ANKRD30B: variants seen among roughly 807,000 people sequenced by gnomAD.
The protein encoded by ANKRD30B is ankyrin repeat domain-containing protein 30B.
In ANKRD30B, 144 loss-of-function variants were observed where a neutral mutation model predicts 202.2. That is an observed-to-expected ratio of 0.71 (90% CI 0.62 to 0.82). The LOEUF (loss-of-function observed/expected upper bound fraction) is 0.82, where lower values mean the gene tolerates loss of function less well. Ranked by LOEUF, ANKRD30B falls within the 40% of genes least tolerant of loss-of-function variation. The pLI is 0.00. For synonymous variants in ANKRD30B, 508 were observed against 561.3 expected (o/e 0.91, Z 1.34); for missense variants, 1,487 against 1,669.1 (o/e 0.89, Z 1.90).
At chr18:14,799,426 A>G (rs1275994462) in intron 22 of ANKRD30B, 131 bp downstream of exon 22, 3 of 958,730 alleles carry the variant, frequency 3.1e-6, no homozygotes, top group Admixed American at 3.1e-5. Flanking sequence ...AATAATGGCA[A>G]CATTAGTATT....
downstream of ANKRD30B, among the ~76,000 whole-genome samples, chr18:14,859,208 T>G (rs2143313852): frequency 1.8e-5 from 1 of 55,376 alleles, no homozygotes; most frequent in Non-Finnish European, 3.4e-5. Context: ...ACCTCCCAGA[T>G]GATGGGCAGC....
At chr18:14,940,145 A>G in the ANKRD30B span, among the ~76,000 whole-genome samples, 2 of 152,192 alleles carry the variant, frequency 1.3e-5, no homozygotes, top group African/African-American at 2.4e-5. Flanking sequence ...GGTGAGGTCC[A>G]TGGATCTAAT....
chr18:14,822,816 T>C (rs1970490399), intron 32 of ANKRD30B, 139 bp downstream of exon 32: 1 of 1,177,410 alleles, frequency 8.5e-7, no homozygotes, highest in Non-Finnish European at 1.2e-6. Flanking sequence ...CCAATGTTAG[T>C]ATTCATGTTT....
chr18:14,894,449 ATT>A, the ANKRD30B span, among the ~76,000 whole-genome samples: 3 of 152,012 alleles, frequency 2.0e-5, no homozygotes, highest in Non-Finnish European at 4.4e-5. Context: ...CATCATTAAT[ATT>A]TCTTTTTCCT....
intron 37 of ANKRD30B, among the ~76,000 whole-genome samples, chr18:14,841,019 T>C (rs1971398600): frequency 1.3e-5 from 2 of 152,192 alleles, no homozygotes; most frequent in African/African-American, 4.8e-5. Flanking sequence ...AAGAACTCTT[T>C]AGAGAAAGAT....
At chr18:14,902,971 C>G in the ANKRD30B span, among the ~76,000 whole-genome samples, 1 of 152,172 alleles carries the variant, frequency 6.6e-6, no homozygotes, top group African/African-American at 2.4e-5. Context: ...TTACTACCAA[C>G]TTGGTGATTT....
At chr18:14,923,108 T>C in the ANKRD30B span, among the ~76,000 whole-genome samples, 1 of 152,146 alleles carries the variant, frequency 6.6e-6, no homozygotes, top group Non-Finnish European at 1.5e-5. Flanking sequence ...CCAGCAGCAA[T>C]ACCCAGGTAG....
At chr18:14,817,938 T>G (rs958596450) in intron 30 of ANKRD30B, among the ~76,000 whole-genome samples, 74 of 152,284 alleles carry the variant, frequency 4.9e-4, no homozygotes, top group Non-Finnish European at 7.4e-4. Context: ...CATAAATTTT[T>G]TGTGTTTTAG....
At position 14,808,161 on chromosome 18, in the gene ANKRD30B, T is replaced by C. The variant is rs1421061588; in HGVS notation, c.2285-390T>C. Among the ~76,000 whole-genome samples, 18 of 150,778 alleles carry C rather than the reference T, an allele frequency of 1.2e-4. No individual in the cohort carries two copies. The East Asian group carries it at 3.1e-3, about 26-fold the overall frequency. On this transcript the variant is annotated intron_variant, in intron 24 of 43. Coordinates refer to ENST00000690538, the MANE Select transcript of ANKRD30B (RefSeq NM_001367607.2). ...GATGTGTTTCCTTAACAATATGTCA[T>C]AGCATTCTACCATTACCTAGGACTT...
the ANKRD30B span, among the ~76,000 whole-genome samples, chr18:14,879,790 AGGGTCAGGGTCAG>A: frequency 6.7e-5 from 10 of 148,658 alleles, no homozygotes; most frequent in Admixed American, 2.7e-4. Flanking sequence ...TCAGGGGTTA[AGGGTCAGGGTCAG>A]GGGTCAGGGT....
rs1042053981 is a variant in ANKRD30B, at chr18:14,748,236, T to A, written c.-184T>A. 4.0e-6 allele frequency: 2 copies of A among 503,768 alleles called. No individual in the cohort carries two copies. The highest frequency in any genetic ancestry group is 7.0e-5 in the South Asian group (2 of 28,582). The allele number at this position is 503,768 out of a possible 1,614,324, so 31.2% of individuals were successfully genotyped here. ...GAATTTCTCCCGACAGAGGCCGGAG[T>A]GTTCAAGAGCTTGGCGATACAGAAA... is the stretch of plus-strand genomic sequence containing the variant. On this transcript the variant is annotated 5_prime_UTR_variant, in exon 1 of 44. Coordinates refer to ENST00000690538, the MANE Select transcript of ANKRD30B (RefSeq NM_001367607.2).
chr18:14,763,888 G>A lies in ANKRD30B; in HGVS notation c.1023G>A (p.Arg341=), dbSNP rs748664032. The change falls in exon 7 of 44, where the codon AGG becomes AGA. Residue 341 remains arginine (R), a synonymous_variant. Transcript: ENST00000690538. ...STEETPRKIL[R]PTKETSEKFS... Reference sequence around the variant, plus strand: ...AAGAAACACCTAGGAAAATTTTGAGGCCTACAAAAGAAACATCTGAGAAAT... The same window carrying A: ...AAGAAACACCTAGGAAAATTTTGAGACCTACAAAAGAAACATCTGAGAAAT... 4 of 1,612,114 alleles carry A rather than the reference G, an allele frequency of 2.5e-6. No individual in the cohort carries two copies. The highest frequency in any genetic ancestry group is 3.4e-6 in the Non-Finnish European group (4 of 1,179,020).
At chr18:14,867,458 TCTG>T in the ANKRD30B span, among the ~76,000 whole-genome samples, 1 of 152,110 alleles carries the variant, frequency 6.6e-6, no homozygotes, top group South Asian at 2.1e-4. Context: ...GTGAACAACT[TCTG>T]CTCGTGTTGG....
intron 15 of ANKRD30B, among the ~76,000 whole-genome samples, chr18:14,788,082 A>C (rs1301308877): frequency 6.6e-6 from 1 of 152,092 alleles, no homozygotes; most frequent in Non-Finnish European, 1.5e-5. Context: ...TATATGACAG[A>C]CTCTAAAAGT....
the ANKRD30B span, among the ~76,000 whole-genome samples, chr18:14,890,377 T>C: frequency 1.6e-4 from 25 of 151,686 alleles, no homozygotes; most frequent in Non-Finnish European, 5.9e-5. Flanking sequence ...TAGAATTAAA[T>C]TTCTAATTTA....
At chr18:14,780,481 G>A (rs1383024400) in intron 11 of ANKRD30B, among the ~76,000 whole-genome samples, 1 of 151,964 alleles carries the variant, frequency 6.6e-6, no homozygotes, top group Non-Finnish European at 1.5e-5. Context: ...TATGTGGTAA[G>A]TAGATTACTG....
At chr18:14,808,641 T>C (rs1969709366) in intron 25 of ANKRD30B, 31 bp from the exon 26 acceptor site, 2 of 1,555,634 alleles carry the variant, frequency 1.3e-6, no homozygotes, top group Non-Finnish European at 1.7e-6. Flanking sequence ...ATACATTATA[T>C]ATTAATTTTT....
intron 39 of ANKRD30B, among the ~76,000 whole-genome samples, chr18:14,845,021 A>G (rs1049775596): frequency 6.6e-6 from 1 of 151,676 alleles, no homozygotes; most frequent in African/African-American, 2.4e-5. Context: ...ATTTTCTCCC[A>G]TTCTGTAGGT....
intron 15 of ANKRD30B, among the ~76,000 whole-genome samples, chr18:14,787,399 G>T (rs190886432): frequency 3.3e-3 from 499 of 152,212 alleles, no homozygotes; most frequent in Non-Finnish European, 5.4e-3. Context: ...AAAAGCAAAA[G>T]AATTACACTG....
Sources: gnomAD v4.1 joint callset for allele counts (sites outside exome capture counted in the v4.1 genomes callset) on GRCh38, gnomAD v4.1.1 for gene constraint, MANE v1.5 for transcripts, NCBI Gene and HGNC (gene_info 2026-07-23, HGNC 2026-07-21) for gene names.